KIDINS220: variants seen among roughly 807,000 people sequenced by gnomAD.
The protein encoded by KIDINS220 is kinase D-interacting substrate of 220 kDa.
A neutral mutation model predicts 157.6 loss-of-function variants in KIDINS220; 63 were observed. The observed-to-expected ratio is 0.40, with a 90% CI of 0.33 to 0.49. The LOEUF is 0.49. KIDINS220 is among the 20% of genes least tolerant of loss of function. The pLI is 0.66. For missense variants in KIDINS220, 1,772 were observed against 2,171.2 expected (o/e 0.82, Z 3.65); for synonymous variants, 732 against 783.6 (o/e 0.93, Z 1.10).
At chr2:8,817,332 A>T (rs1344553867) in intron 4 of KIDINS220, among the ~76,000 whole-genome samples, 1 of 152,240 alleles carries the variant, frequency 6.6e-6, no homozygotes, top group African/African-American at 2.4e-5. Flanking sequence ...CAACTGTCTC[A>T]GAAGTTCCAA....
intron 26 of KIDINS220, among the ~76,000 whole-genome samples, chr2:8,745,353 T>C (rs376373966): frequency 6.6e-6 from 1 of 152,224 alleles, no homozygotes; most frequent in Non-Finnish European, 1.5e-5. Context: ...AAGAGAATTA[T>C]TGTGGTTTAC....
rs781374170 is a variant in KIDINS220, at chr2:8,730,835, T to A, written c.5201A>T (p.His1734Leu). The A allele has an allele frequency of 6.2e-7, 1 of 1,614,256 alleles. No homozygotes were observed. The highest frequency in any genetic ancestry group is 8.5e-7 in the Non-Finnish European group (1 of 1,180,044). Reference protein sequence around the residue: ...IQNENLKSMTHKRSQRSSYTR... With the variant: ...IQNENLKSMTLKRSQRSSYTR... ...GTAACTTGAACGTTGGCTTCGCTTATGTGTCATGCTTTTTAGATTCTCATT... is the reference window on the plus strand; with the variant it reads ...GTAACTTGAACGTTGGCTTCGCTTAAGTGTCATGCTTTTTAGATTCTCATT... The change falls in exon 30 of 30, where the codon CAT (histidine) becomes CTT (leucine). Residue 1734 changes from histidine to leucine, a missense_variant. His to Leu is a moderately conservative substitution (Grantham distance 99). Transcript: ENST00000256707.
At chr2:8,753,957 C>T (rs1667690801) in intron 22 of KIDINS220, among the ~76,000 whole-genome samples, 2 of 152,130 alleles carry the variant, frequency 1.3e-5, no homozygotes, top group South Asian at 4.1e-4. Context: ...GATGGGGTTA[C>T]TTTTAATACA....
intron 23 of KIDINS220, among the ~76,000 whole-genome samples, 200 bp downstream of exon 23, chr2:8,751,266 T>TTTTTTG (rs1667326808): frequency 6.6e-6 from 1 of 151,508 alleles, no homozygotes; most frequent in Non-Finnish European, 1.5e-5. Flanking sequence ...CTTTTTTTTT[T>TTTTTTG]TTTTTGTTTT....
chr2:8,823,247 A>G (rs1678260959), intron 2 of KIDINS220, among the ~76,000 whole-genome samples: 1 of 152,142 alleles, frequency 6.6e-6, no homozygotes, highest in Non-Finnish European at 1.5e-5. Flanking sequence ...GCCACCACAT[A>G]CAGCCTACCC....
chr2:8,751,645 C>CT lies in KIDINS220; in HGVS notation c.3012-2dup, dbSNP rs771515359. 7.4e-5 allele frequency: 117 copies of CT among 1,572,060 alleles called. No individual in the cohort carries two copies. In the African/African-American group the frequency reaches 1.5e-3, roughly 20 times the overall value. On this transcript the variant is annotated splice_acceptor_variant, in intron 22 of 29. Transcript: ENST00000256707. LOFTEE classifies it high-confidence loss of function. ...AGTTGTTGGAATATTCTTTGATATT[C>CT]TTCAAATAAGAAATCAATGAAAAAG...
At chr2:8,802,757 G>C (rs1397119835) in intron 8 of KIDINS220, among the ~76,000 whole-genome samples, 173 bp downstream of exon 8, 2 of 152,148 alleles carry the variant, frequency 1.3e-5, no homozygotes, top group African/African-American at 4.8e-5. Context: ...AATTAAAAAG[G>C]ACATTTTTCA....
chr2:8,790,993 T>C, intron 13 of KIDINS220, 67 bp downstream of exon 13: 1 of 1,469,686 alleles, frequency 6.8e-7, no homozygotes, highest in Non-Finnish European at 9.2e-7. Context: ...TTCCTCTTTA[T>C]TTCAGAAAAA....
At chr2:8,824,277 G>A (rs577372203) in intron 2 of KIDINS220, among the ~76,000 whole-genome samples, 1 of 152,256 alleles carries the variant, frequency 6.6e-6, no homozygotes, top group South Asian at 2.1e-4. Flanking sequence ...AGCTATTATT[G>A]TAATAACAAC....
chr2:8,740,140 G>C (rs1403008693), intron 26 of KIDINS220: 1 of 976,768 alleles, frequency 1.0e-6, no homozygotes. Context: ...ATTTCATTGA[G>C]AGTTTCTGTA....
At chr2:8,721,693 C>T (rs1014645921), downstream of KIDINS220, 7 of 152,164 alleles carry the variant, frequency 4.6e-5, no homozygotes, top group Non-Finnish European at 8.8e-5. Flanking sequence ...GGAGCATTGA[C>T]GGTAAGTATC....
At chr2:8,792,583 T>C (rs1673349319) in intron 12 of KIDINS220, among the ~76,000 whole-genome samples, 1 of 152,212 alleles carries the variant, frequency 6.6e-6, no homozygotes, top group African/African-American at 2.4e-5. Flanking sequence ...GAAATGAGAT[T>C]TTCTTTTCTT....
At chr2:8,822,493 T>C (rs958703770) in intron 2 of KIDINS220, among the ~76,000 whole-genome samples, 4 of 152,110 alleles carry the variant, frequency 2.6e-5, no homozygotes, top group Non-Finnish European at 5.9e-5. Flanking sequence ...CCAGGCGTGG[T>C]AGCACACGCC....
downstream of KIDINS220, among the ~76,000 whole-genome samples, chr2:8,725,976 G>C (rs530385971): frequency 2.6e-5 from 4 of 152,308 alleles, no homozygotes; most frequent in South Asian, 8.3e-4. Flanking sequence ...GTAAAAAGAT[G>C]ACTGCAGCTG....
chr2:8,777,908 A>G (rs529518299), intron 20 of KIDINS220, among the ~76,000 whole-genome samples: 1 of 152,314 alleles, frequency 6.6e-6, no homozygotes, highest in African/African-American at 2.4e-5. Context: ...CATATCTGTA[A>G]AGGGTAGAGG....
At chr2:8,832,900 T>A (rs913865664) in intron 1 of KIDINS220, among the ~76,000 whole-genome samples, 1 of 152,134 alleles carries the variant, frequency 6.6e-6, no homozygotes, top group Non-Finnish European at 1.5e-5. Flanking sequence ...TTTTCCTTAA[T>A]TTTTTTAACT....
Position 8,774,343 on chromosome 2 carries a change from G to C in KIDINS220, c.2848+2405C>G, listed in dbSNP as rs113966589. ...AAAGAAAGATAGATAGAAAACCTTT[G>C]CCAGGTGGATTTTAAATTCTACTGA... On this transcript the variant is annotated intron_variant, in intron 21 of 29. Coordinates refer to ENST00000256707, the MANE Select transcript of KIDINS220 (RefSeq NM_020738.4). 8.1e-3 allele frequency among the ~76,000 whole-genome samples: 1,226 copies of C among 151,134 alleles called. 14 individuals are homozygous for C. Among genetic ancestry groups the C allele is most frequent in the African/African-American group, 0.028 (1,137 of 41,224 alleles).
intron 14 of KIDINS220, 80 bp from the exon 15 acceptor site, chr2:8,788,892 TA>T (rs1278359519): frequency 3.2e-5 from 40 of 1,263,394 alleles, no homozygotes; most frequent in Non-Finnish European, 4.5e-5. Flanking sequence ...AAGTATCAAG[TA>T]ATGAGAGCTA....
At chr2:8,823,124 C>T (rs1485534302) in intron 2 of KIDINS220, among the ~76,000 whole-genome samples, 3 of 151,966 alleles carry the variant, frequency 2.0e-5, no homozygotes, top group African/African-American at 4.8e-5. Flanking sequence ...TAAAAGGTGC[C>T]ACACCTGGCT....
Sources: allele counts gnomAD v4.1 joint callset (sites outside exome capture counted in the v4.1 genomes callset), GRCh38; gene constraint gnomAD v4.1.1; transcripts MANE v1.5; gene names NCBI Gene and HGNC (gene_info 2026-07-23, HGNC 2026-07-21).